The following ZFHX3 variants were observed in gnomAD, a reference collection of about 807,000 sequenced individuals.
ZFHX3 encodes zinc finger homeobox protein 3.
ZFHX3 carries 42 observed loss-of-function variants against 279.1 expected under a neutral mutation model. The ratio of observed to expected loss-of-function variants is 0.15; its 90% CI spans 0.12 to 0.19. ZFHX3 has a LOEUF of 0.19. Ranked by LOEUF, ZFHX3 falls within the 10% of genes least tolerant of loss-of-function variation. The pLI, the probability that ZFHX3 is intolerant of heterozygous loss-of-function variation, is 1.00. For synonymous variants in ZFHX3, 2,293 were observed against 1,957.8 expected (o/e 1.17, Z -4.52); for missense variants, 4,981 against 4,754.0 (o/e 1.05, Z -1.40).
intron 2 of ZFHX3, among the ~76,000 whole-genome samples, chr16:73,514,553 T>C (rs2019488047): frequency 6.6e-6 from 1 of 152,232 alleles, no homozygotes; most frequent in South Asian, 2.1e-4. Context: ...ATAATTCCAA[T>C]ACTGATATTA....
intron 7 of ZFHX3, among the ~76,000 whole-genome samples, chr16:73,102,716 G>A (rs560901754): frequency 2.0e-5 from 3 of 152,162 alleles, no homozygotes; most frequent in South Asian, 4.2e-4. Flanking sequence ...CAGCTCTATC[G>A]CTTATTGGAC....
intron 2 of ZFHX3, among the ~76,000 whole-genome samples, chr16:73,604,899 A>C (rs1160534100): frequency 6.6e-6 from 1 of 152,052 alleles, no homozygotes; most frequent in Non-Finnish European, 1.5e-5. Context: ...ACTGGGGTAG[A>C]CTGAGGCAGA....
At chr16:73,812,073 C>A (rs1309685319) in intron 1 of ZFHX3, among the ~76,000 whole-genome samples, 1 of 152,212 alleles carries the variant, frequency 6.6e-6, no homozygotes, top group Non-Finnish European at 1.5e-5. Flanking sequence ...GTCTAGAATT[C>A]AAACCCAAAC....
At chr16:73,756,062 G>T (rs899907764) in intron 1 of ZFHX3, among the ~76,000 whole-genome samples, 2 of 151,524 alleles carry the variant, frequency 1.3e-5, no homozygotes, top group African/African-American at 4.9e-5. Flanking sequence ...GTTCCTCCAT[G>T]GCTGACTTTC....
intron 1 of ZFHX3, among the ~76,000 whole-genome samples, chr16:73,851,193 C>T (rs1961586266): frequency 1.3e-5 from 2 of 152,080 alleles, no homozygotes; most frequent in Admixed American, 6.5e-5. Flanking sequence ...GGAAGTTAAT[C>T]GCTACAACAT....
chr16:73,512,221 A>G (rs1303474959), intron 2 of ZFHX3, among the ~76,000 whole-genome samples: 1 of 142,442 alleles, frequency 7.0e-6, no homozygotes, highest in Non-Finnish European at 1.5e-5. Context: ...CAAGGTCAGG[A>G]GGTTGAGACC....
At chr16:73,147,865 C>G (rs563987818) in intron 5 of ZFHX3, among the ~76,000 whole-genome samples, 2 of 152,218 alleles carry the variant, frequency 1.3e-5, no homozygotes, top group East Asian at 3.9e-4. Flanking sequence ...GAGCGAGATC[C>G]TCTCCCAAAA....
At chr16:73,728,023 C>CCCA (rs1555535449) in intron 1 of ZFHX3, among the ~76,000 whole-genome samples, 1 of 109,164 alleles carries the variant, frequency 9.2e-6, no homozygotes, top group Non-Finnish European at 1.8e-5. Flanking sequence ...GTGCCCCCCC[C>CCCA]CCGCCCCCAA....
chr16:72,843,513 TAAAAA>T (rs59007764), intron 4 of ZFHX3, among the ~76,000 whole-genome samples: 45 of 39,452 alleles, frequency 1.1e-3, no homozygotes, highest in African/African-American at 4.0e-3. Context: ...AGACTCCGTC[TAAAAA>T]AAAAAAAAAA....
intron 4 of ZFHX3, among the ~76,000 whole-genome samples, chr16:73,272,319 T>C (rs976474342): frequency 2.6e-5 from 4 of 152,236 alleles, no homozygotes; most frequent in African/African-American, 9.6e-5. Context: ...AGTTTTTTTC[T>C]GGTAAAATGT....
intron 1 of ZFHX3, among the ~76,000 whole-genome samples, chr16:73,703,933 TTCTA>T (rs1172798498): frequency 1.3e-5 from 2 of 152,188 alleles, no homozygotes; most frequent in African/African-American, 4.8e-5. Context: ...ACCAAGCCAG[TTCTA>T]TCTGTGTGGC....
chr16:73,206,393 A>G (rs930200271), intron 5 of ZFHX3, among the ~76,000 whole-genome samples: 1 of 152,178 alleles, frequency 6.6e-6, no homozygotes, highest in African/African-American at 2.4e-5. Context: ...TGGCCAACAC[A>G]ACACAGGAAA....
At position 73,373,145 on chromosome 16, in the gene ZFHX3, G is replaced by C. The variant is rs780269606; in HGVS notation, c.-1290-54809C>G. 9.2e-3 allele frequency among the ~76,000 whole-genome samples: 614 copies of C among 66,906 alleles called. 8 individuals are homozygous for C. Among genetic ancestry groups the C allele is most frequent in the South Asian group, 0.058 (147 of 2,532 alleles). The allele number at this position is 66,906 out of a possible 152,430, so 43.9% of individuals were successfully genotyped here. A position where few individuals can be genotyped will look rare whatever the true frequency, so the allele number is the denominator to read the frequency against. ...GTGGGGCGCTGGTGAGGAGGTTTGGGGGGGGGGTGGTTCCAAAGTCTCCAG... is the reference window on the plus strand; with the variant it reads ...GTGGGGCGCTGGTGAGGAGGTTTGGCGGGGGGGTGGTTCCAAAGTCTCCAG... On this transcript the variant is annotated intron_variant, in intron 3 of 17. Transcript: ENST00000641206.
intron 1 of ZFHX3, among the ~76,000 whole-genome samples, chr16:73,009,890 G>A (rs758781882): frequency 7.2e-5 from 11 of 151,970 alleles, no homozygotes; most frequent in South Asian, 2.1e-4. Flanking sequence ...GTGTGGTGGC[G>A]CACGCCTGTA....
chr16:73,095,156 C>T (rs557340578), intron 7 of ZFHX3, among the ~76,000 whole-genome samples: 1 of 152,238 alleles, frequency 6.6e-6, no homozygotes, highest in African/African-American at 2.4e-5. Flanking sequence ...AACTCCTGAG[C>T]TCAAGTGATC....
rs191865756 is a variant in ZFHX3 at position 73,141,413 on chromosome 16, T to C, written c.-1024+2339A>G. Among the ~76,000 whole-genome samples, 1,347 of 151,946 alleles carry C rather than the reference T, an allele frequency of 8.9e-3. 9 individuals carry two copies. The highest frequency in any genetic ancestry group is 0.012 in the Non-Finnish European group (822 of 67,918). On this transcript the variant is annotated intron_variant, in intron 6 of 17. Transcript: ENST00000641206. ...TCTTTAAATAATTTTTTTTTTTTTT[T>C]CAGAGACGGGGTTTTGCTCTGTCAC...
At chr16:73,584,034 A>T (rs1021375016) in intron 2 of ZFHX3, among the ~76,000 whole-genome samples, 1 of 152,252 alleles carries the variant, frequency 6.6e-6, no homozygotes, top group Non-Finnish European at 1.5e-5. Flanking sequence ...ATCTCAAAAA[A>T]CAGGCTAAAG....
intron 1 of ZFHX3, among the ~76,000 whole-genome samples, chr16:73,836,865 C>T (rs1961156033): frequency 6.6e-6 from 1 of 152,144 alleles, no homozygotes; most frequent in Non-Finnish European, 1.5e-5. Flanking sequence ...TGGATTTGTT[C>T]CCTTGAGAGT....
chr16:73,199,545 C>G (rs1309696444), intron 5 of ZFHX3, among the ~76,000 whole-genome samples: 1 of 152,226 alleles, frequency 6.6e-6, no homozygotes, highest in Admixed American at 6.5e-5. Flanking sequence ...CTACTTCACT[C>G]CAGTACTATT....
Sources: allele counts gnomAD v4.1 joint callset (sites outside exome capture counted in the v4.1 genomes callset), GRCh38; gene constraint gnomAD v4.1.1; transcripts MANE v1.5; gene names NCBI Gene and HGNC (gene_info 2026-07-23, HGNC 2026-07-21).